ZKSCAN2: variants seen among roughly 807,000 people sequenced by gnomAD.
ZKSCAN2 encodes zinc finger with KRAB and SCAN domains 2, also known as zinc finger protein with KRAB and SCAN domains 2.
ZKSCAN2 carries 38 observed loss-of-function variants against 90.5 expected under a neutral mutation model. That is an observed-to-expected ratio of 0.42 (90% CI 0.32 to 0.55). The LOEUF (loss-of-function observed/expected upper bound fraction) is 0.55, where lower values mean the gene tolerates loss of function less well. Ranked by LOEUF, ZKSCAN2 falls within the 20% of genes least tolerant of loss-of-function variation. The pLI, the probability that ZKSCAN2 is intolerant of heterozygous loss-of-function variation, is 0.11. For synonymous variants in ZKSCAN2, 429 were observed against 421.6 expected (o/e 1.02, Z -0.22); for missense variants, 1,167 against 1,202.6 (o/e 0.97, Z 0.44).
Position 25,240,108 on chromosome 16 carries a change from C to T in ZKSCAN2, c.2612G>A (p.Ser871Asn). 6.2e-7 allele frequency: 1 copy of T among 1,613,002 alleles called. No individual in the cohort carries two copies. The highest frequency in any genetic ancestry group is 8.5e-7 in the Non-Finnish European group (1 of 1,179,758). The change falls in exon 7 of 7, where the codon AGT (serine) becomes AAT (asparagine). Residue 871 changes from serine to asparagine, a missense_variant. Coordinates refer to ENST00000328086, the MANE Select transcript of ZKSCAN2 (RefSeq NM_001012981.5). ...CGECGKSFTN[S>N]SHFSAHRRVH... ...TCTCCGGTGGGCGCTGAAATGAGAA[C>T]TGTTGGTGAAACTTTTCCCACACTC...
intron 6 of ZKSCAN2, among the ~76,000 whole-genome samples, chr16:25,241,852 C>T (rs1233338859): frequency 2.0e-5 from 3 of 152,150 alleles, no homozygotes; most frequent in Non-Finnish European, 2.9e-5. Context: ...TCAATCTAGA[C>T]ACTTAAGTAA....
In ZKSCAN2 at chr16:25,240,390, C is replaced by T. The variant is rs1236307384; in HGVS notation, c.2330G>A (p.Cys777Tyr). The T allele has an allele frequency of 3.1e-6, 5 of 1,614,224 alleles. No individual in the cohort carries two copies. The highest frequency in any genetic ancestry group is 1.1e-5 in the South Asian group (1 of 91,086). ...MTHHKENPYK[C>Y]GVCGKCFGRS... ...ACCAAAGCACTTCCCACAGACACCA[C>T]ACTTGTAAGGATTCTCCTTGTGGTG... The change falls in exon 7 of 7, where the codon TGT becomes TAT. Residue 777 changes from cysteine to tyrosine, a missense_variant. Coordinates refer to ENST00000328086, the MANE Select transcript of ZKSCAN2 (RefSeq NM_001012981.5).
At chr16:25,246,272 T>C (rs1047488745) in intron 5 of ZKSCAN2, 6 of 156,986 alleles carry the variant, frequency 3.8e-5, no homozygotes, top group African/African-American at 1.4e-4. Context: ...ACAAAAAATG[T>C]TTATTTTATT....
At chr16:25,241,636 AT>A (rs1412580728) in intron 6 of ZKSCAN2, among the ~76,000 whole-genome samples, 4 of 152,158 alleles carry the variant, frequency 2.6e-5, no homozygotes, top group Non-Finnish European at 5.9e-5. Flanking sequence ...ACATCACGTT[AT>A]TTCATCCATA....
In ZKSCAN2 at chr16:25,240,644, T is replaced by G; in HGVS notation, c.2076A>C (p.Arg692Ser). 6.2e-7 allele frequency: 1 copy of G among 1,614,184 alleles called. No homozygotes were observed. The change falls in exon 7 of 7, where the codon AGA (arginine) becomes AGC (serine). Residue 692 changes from arginine (R) to serine (S), a missense_variant. Physicochemically the swap from Arg to Ser is moderately radical, Grantham distance 110. Transcript: ENST00000328086. ...TGGGGTCGGTACTCTGGGAAACAAC[T>G]CTTTTAGACTTTTCTATTAATGCCC... ...QHRALIEKSK[R>S]VVSQSTDPSK...
Position 25,239,846 on chromosome 16 carries a change from TC to T in ZKSCAN2, c.2873del (p.Gly958GlufsTer26). 6.2e-7 allele frequency: 1 copy of T among 1,601,150 alleles called. No individual in the cohort carries two copies. Among genetic ancestry groups the T allele is most frequent in the Non-Finnish European group, 8.5e-7 (1 of 1,175,820 alleles). ...AAGTTTTCCTAAATTCATCAGTCTT[TC>T]CCTTATGTGGGTTCTCAGGGCAATA... ...SLYCPENPHK[G>X]KTDEFRKTF is the part of the protein sequence containing the mutation. On this transcript the variant is annotated frameshift_variant, in exon 7 of 7. Coordinates refer to ENST00000328086, the MANE Select transcript of ZKSCAN2 (RefSeq NM_001012981.5). LOFTEE classifies it high-confidence loss of function.
Position 25,247,171 on chromosome 16 carries a change from T to A in ZKSCAN2, c.1025A>T (p.His342Leu). ...GLEDEKIAGVHWSYEETKTFL... is the reference protein window; with the variant it reads ...GLEDEKIAGVLWSYEETKTFL... ...AGTCTTTGTTTCCTCATAGCTCCAA[T>A]GCACACCTGCTATCTTTTCATCTTC... is the stretch of plus-strand genomic sequence containing the variant. The change falls in exon 5 of 7, where the codon CAT becomes CTT. Residue 342 changes from histidine (H) to leucine (L), a missense_variant. Transcript: ENST00000328086. The A allele has an allele frequency of 6.2e-7, 1 of 1,614,214 alleles. No individual in the cohort carries two copies.
At chr16:25,254,798 T>C (rs1963072459) in intron 2 of ZKSCAN2, among the ~76,000 whole-genome samples, 2 of 150,782 alleles carry the variant, frequency 1.3e-5, no homozygotes, top group African/African-American at 4.9e-5. Flanking sequence ...TTGGATCTTT[T>C]TTTTTTTTTT....
rs765209671 is a variant in ZKSCAN2 at position 25,256,984 on chromosome 16, G to A, written c.144C>T (p.Phe48=). The A allele has an allele frequency of 1.9e-6, 3 of 1,614,216 alleles. No homozygotes were observed. The highest frequency in any genetic ancestry group is 1.1e-5 in the South Asian group (1 of 91,086). Residue 48 remains phenylalanine, a synonymous_variant, in exon 1 of 7, where the codon TTC becomes TTT. Coordinates refer to ENST00000328086, the MANE Select transcript of ZKSCAN2 (RefSeq NM_001012981.5). Reference sequence around the variant, plus strand: ...TCACATCCTCATAACAGAATTGCCTGAAGCATTTGCGGAAGGTCTCAGAGC... The same window carrying A: ...TCACATCCTCATAACAGAATTGCCTAAAGCATTTGCGGAAGGTCTCAGAGC... ...SDSSETFRKC[F]RQFCYEDVTG...
intron 1 of ZKSCAN2, 126 bp from the exon 2 acceptor site, chr16:25,255,518 A>T (rs938555277): frequency 1.9e-6 from 2 of 1,051,994 alleles, no homozygotes; most frequent in East Asian, 2.7e-5. Context: ...CTCCATTCCC[A>T]GTGGAGTCTC....
At chr16:25,243,707 T>C in intron 6 of ZKSCAN2, 78 bp downstream of exon 6, 2 of 1,460,188 alleles carry the variant, frequency 1.4e-6, no homozygotes, top group South Asian at 1.4e-5. Context: ...TCATGAGCTA[T>C]GTGCAAGATC....
rs180749685 is a variant in ZKSCAN2 at position 25,238,470 on chromosome 16, T to C, written c.*1346A>G. 1 of 151,094 alleles carries C rather than the reference T, an allele frequency of 6.6e-6. No homozygotes were observed. The highest frequency in any genetic ancestry group is 1.9e-4 in the East Asian group (1 of 5,184). The allele number at this position is 151,094 out of a possible 1,614,324, so 9.4% of individuals were successfully genotyped here. On this transcript the variant is annotated 3_prime_UTR_variant, in exon 7 of 7. Transcript: ENST00000328086. ...CCATCAGAACTTTTCCTTCAGTGTTTACTGGGTTACTGCCGGGGGTTCTCA... is the reference window on the plus strand; with the variant it reads ...CCATCAGAACTTTTCCTTCAGTGTTCACTGGGTTACTGCCGGGGGTTCTCA...
chr16:25,255,209 T>G lies in ZKSCAN2; in HGVS notation c.583A>C (p.Asn195His). ...TGCTCCGAGTCTTCCCTCTTACCAT[T>G]CTTGGGTAAGGGCCGACGTTCTCGC... ...RKRERRPLPK[N>H]ARPSPWVPAL... is the part of the protein sequence containing the mutation. Residue 195 changes from asparagine to histidine, a missense_variant, in exon 2 of 7, where the codon AAT becomes CAT. Coordinates refer to ENST00000328086, the MANE Select transcript of ZKSCAN2 (RefSeq NM_001012981.5). 1 of 1,600,864 alleles carries G rather than the reference T, an allele frequency of 6.2e-7. No individual in the cohort carries two copies. Among genetic ancestry groups the G allele is most frequent in the Non-Finnish European group, 8.5e-7 (1 of 1,175,968 alleles).
chr16:25,240,210 CCA>C lies in ZKSCAN2; in HGVS notation c.2508_2509del (p.Cys836TrpfsTer5). The C allele has an allele frequency of 1.2e-6, 2 of 1,614,132 alleles. No individual in the cohort carries two copies. The highest frequency in any genetic ancestry group is 1.7e-6 in the Non-Finnish European group (2 of 1,180,028). ...ACTAGAGCTCTGACTAAAGCATTTT[CCA>C]CACTCTCCGCATCTGTAGGGTTTCT... On this transcript the variant is annotated frameshift_variant, in exon 7 of 7. Transcript: ENST00000328086. LOFTEE classifies it high-confidence loss of function.
chr16:25,241,125 G>A (rs543813114), intron 6 of ZKSCAN2, among the ~76,000 whole-genome samples: 11 of 152,246 alleles, frequency 7.2e-5, no homozygotes, highest in Admixed American at 3.3e-4. Context: ...CAAGTTCCTC[G>A]AGGGACTTCA....
rs568858340 is a variant in ZKSCAN2 at position 25,243,914 on chromosome 16, C to A, written c.1852G>T (p.Gly618Cys). 6.2e-7 allele frequency: 1 copy of A among 1,614,154 alleles called. No homozygotes were observed. Among genetic ancestry groups the A allele is most frequent in the Non-Finnish European group, 8.5e-7 (1 of 1,180,014 alleles). ...TGTGAGGTCTCTTCAGGTTCCCAGC[C>A]TGTAGGTTCCTGGGGTTCAACCTCA... ...GIEVEPQEPTGWEPEETSQEA... is the reference protein window; with the variant it reads ...GIEVEPQEPTCWEPEETSQEA... The change falls in exon 6 of 7, where the codon GGC becomes TGC. Residue 618 changes from glycine to cysteine, a missense_variant. Transcript: ENST00000328086.
rs376958354 is a variant in ZKSCAN2 at position 25,240,020 on chromosome 16, C to T, written c.2700G>A (p.Thr900=). 151 of 1,613,658 alleles carry T rather than the reference C, an allele frequency of 9.4e-5. No homozygotes were observed. The highest frequency in any genetic ancestry group is 1.1e-4 in the Non-Finnish European group (127 of 1,179,938). Residue 900 remains threonine (T), a synonymous_variant, in exon 7 of 7, where the codon ACG becomes ACA. Coordinates refer to ENST00000328086, the MANE Select transcript of ZKSCAN2 (RefSeq NM_001012981.5). The part of the protein sequence containing the change: ...VDCEKSFNNC[T]RFREHRRIHT... Reference sequence around the variant, plus strand: ...GTATTCTCCGATGTTCTCGAAATCTCGTACAGTTATTGAAACTTTTTTCAC... The same window carrying T: ...GTATTCTCCGATGTTCTCGAAATCTTGTACAGTTATTGAAACTTTTTTCAC...
At position 25,251,401 on chromosome 16, in the gene ZKSCAN2, G is replaced by T. The variant is rs370356821; in HGVS notation, c.805+508C>A. Among the ~76,000 whole-genome samples, 7 of 152,050 alleles carry T rather than the reference G, an allele frequency of 4.6e-5. 1 individual carries two copies. ...AGATATATTTTCGTAAGTATTTATT[G>T]AAAACAAAATATTTCATTAATAAAA... is the stretch of plus-strand genomic sequence containing the variant. On this transcript the variant is annotated intron_variant, in intron 4 of 6. Coordinates refer to ENST00000328086, the MANE Select transcript of ZKSCAN2 (RefSeq NM_001012981.5).
chr16:25,240,827 C>A, intron 6 of ZKSCAN2, 89 bp from the exon 7 acceptor site: 1 of 997,934 alleles, frequency 1.0e-6, no homozygotes, highest in Non-Finnish European at 1.5e-6. Flanking sequence ...CGCTTGCTCT[C>A]CATACACTTC....
Sources: gnomAD v4.1 joint callset for allele counts (sites outside exome capture counted in the v4.1 genomes callset) on GRCh38, gnomAD v4.1.1 for gene constraint, MANE v1.5 for transcripts, NCBI Gene and HGNC (gene_info 2026-07-23, HGNC 2026-07-21) for gene names.